PCMTD1: variants seen among roughly 807,000 people sequenced by gnomAD.
PCMTD1 encodes the protein protein-L-isoaspartate (D-aspartate) O-methyltransferase domain containing 1, also known as protein-L-isoaspartate O-methyltransferase domain-containing protein 1.
A neutral mutation model predicts 37.6 loss-of-function variants in PCMTD1; 12 were observed. The observed-to-expected ratio is 0.32, with a 90% CI of 0.20 to 0.52. The LOEUF (loss-of-function observed/expected upper bound fraction) is 0.52, where lower values mean the gene tolerates loss of function less well. PCMTD1 is among the 20% of genes least tolerant of loss of function. The pLI, the probability that PCMTD1 is intolerant of heterozygous loss-of-function variation, is 0.97. For synonymous variants in PCMTD1, 117 were observed against 135.8 expected (o/e 0.86, Z 0.96); for missense variants, 235 against 421.3 (o/e 0.56, Z 3.87).
intron 1 of PCMTD1, among the ~76,000 whole-genome samples, chr8:51,896,793 G>A (rs13268907): frequency 0.69 from 104,258 of 151,568 alleles, 42,285 homozygotes; most frequent in Non-Finnish European, 0.9. Context: ...AACCGTAAGG[G>A]CAACAATTTT....
intron 1 of PCMTD1, among the ~76,000 whole-genome samples, chr8:51,871,545 A>G (rs2038638921): frequency 1.3e-5 from 2 of 152,236 alleles, no homozygotes; most frequent in African/African-American, 4.8e-5. Flanking sequence ...TTTTTCCTCT[A>G]ATAGAGCATT....
intron 1 of PCMTD1, among the ~76,000 whole-genome samples, chr8:51,865,000 G>A (rs1217008637): frequency 6.6e-6 from 1 of 152,014 alleles, no homozygotes; most frequent in Non-Finnish European, 1.5e-5. Context: ...TGAAAGAGGA[G>A]ATACCACAAC....
At chr8:51,829,847 G>A (rs898212726) in intron 5 of PCMTD1, among the ~76,000 whole-genome samples, 1 of 152,132 alleles carries the variant, frequency 6.6e-6, no homozygotes, top group African/African-American at 2.4e-5. Context: ...CAGCTCAAAA[G>A]AGAGTAGAAT....
chr8:51,833,615 C>T lies in PCMTD1; in HGVS notation c.485G>A (p.Arg162Gln), dbSNP rs2038027088. 4 of 1,612,382 alleles carry T rather than the reference C, an allele frequency of 2.5e-6. No individual in the cohort carries two copies. Among genetic ancestry groups the T allele is most frequent in the African/African-American group, 1.3e-5 (1 of 74,866 alleles). Residue 162 changes from arginine (R) to glutamine (Q), a missense_variant, in exon 4 of 6, where the codon CGA becomes CAA. By Grantham distance (43) the Arg-to-Gln change is conservative. Around this residue, in one of 3 missense-constraint regions of PCMTD1, gnomAD observed 183 missense variants for 349.3 expected, o/e 0.52. Coordinates refer to ENST00000522514, the MANE Select transcript of PCMTD1 (RefSeq NM_052937.4). Reference protein sequence around the residue: ...QIASDSHQYDRIYCGAGVQKD... With the variant: ...QIASDSHQYDQIYCGAGVQKD... ...CTGCACTCCAGCTCCACAATAAATTCGATCATACTGATGACTGTCAGAAGC... is the reference window on the plus strand; with the variant it reads ...CTGCACTCCAGCTCCACAATAAATTTGATCATACTGATGACTGTCAGAAGC...
chr8:51,892,783 C>A (rs2038953367), intron 1 of PCMTD1, among the ~76,000 whole-genome samples: 1 of 151,964 alleles, frequency 6.6e-6, no homozygotes, highest in Admixed American at 6.6e-5. Context: ...GTGAAAAAAA[C>A]AGCAGTGTAC....
At chr8:51,867,597 A>G (rs549182007) in intron 1 of PCMTD1, among the ~76,000 whole-genome samples, 2 of 152,008 alleles carry the variant, frequency 1.3e-5, no homozygotes, top group Admixed American at 6.6e-5. Context: ...TTATATATAT[A>G]TAAATGGATT....
At chr8:51,827,230 C>T in intron 5 of PCMTD1, 8 of 1,128,374 alleles carry the variant, frequency 7.1e-6, no homozygotes, top group South Asian at 5.4e-5. Flanking sequence ...CACATAATTC[C>T]TGACTTATTT....
chr8:51,835,083 ACTAGACTCCTTT>A (rs1304009941), intron 3 of PCMTD1, among the ~76,000 whole-genome samples: 1 of 152,114 alleles, frequency 6.6e-6, no homozygotes, highest in Non-Finnish European at 1.5e-5. Flanking sequence ...AAGTCTTTCT[ACTAGACTCCTTT>A]CCTGTCTCTG....
chr8:51,822,330 G>T (rs925502850), intron 5 of PCMTD1, among the ~76,000 whole-genome samples: 1 of 150,622 alleles, frequency 6.6e-6, no homozygotes, highest in African/African-American at 2.4e-5. Context: ...TTGAAGATAG[G>T]ATGGAAATGG....
chr8:51,866,779 G>C (rs1170245137), intron 1 of PCMTD1, among the ~76,000 whole-genome samples: 1 of 151,990 alleles, frequency 6.6e-6, no homozygotes, highest in East Asian at 1.9e-4. Flanking sequence ...ATGAACAAAT[G>C]AGACTGTATC....
chr8:51,856,721 A>C (rs555182957), intron 2 of PCMTD1, among the ~76,000 whole-genome samples: 1 of 152,366 alleles, frequency 6.6e-6, no homozygotes, highest in Admixed American at 6.5e-5. Flanking sequence ...TGAACCCTGA[A>C]AATGTAATGC....
Position 51,839,727 on chromosome 8 carries a change from A to G in PCMTD1, c.410+5934T>C, listed in dbSNP as rs192391936. 22 of 570,072 alleles carry G rather than the reference A, an allele frequency of 3.9e-5. No individual in the cohort carries two copies. The African/African-American group carries it at 4.5e-4, about 12-fold the overall frequency. The allele number at this position is 570,072 out of a possible 1,614,324, so 35.3% of individuals were successfully genotyped here. ...CACCTAGTTTATCACGTGCCACAGG[A>G]TGCTGTTATTGAAATTTTAGACAAT... On this transcript the variant is annotated intron_variant, in intron 3 of 5. Coordinates refer to ENST00000522514, the MANE Select transcript of PCMTD1 (RefSeq NM_052937.4).
chr8:51,840,564 T>C (rs2038133371), intron 3 of PCMTD1, among the ~76,000 whole-genome samples: 1 of 152,140 alleles, frequency 6.6e-6, no homozygotes, highest in African/African-American at 2.4e-5. Flanking sequence ...TAATATTGAA[T>C]ATATAATGAA....
At chr8:51,849,972 A>G (rs2038281032) in intron 2 of PCMTD1, 2 of 674,442 alleles carry the variant, frequency 3.0e-6, no homozygotes, top group East Asian at 2.7e-5. Context: ...TATTTTGTGT[A>G]AAGCTAACTT....
intron 2 of PCMTD1, among the ~76,000 whole-genome samples, chr8:51,858,667 T>C (rs2038427213): frequency 6.6e-6 from 1 of 152,228 alleles, no homozygotes; most frequent in African/African-American, 2.4e-5. Flanking sequence ...CTGTTGTTTC[T>C]GCTTCTCCTT....
chr8:51,854,372 G>C (rs1007707620), intron 2 of PCMTD1, among the ~76,000 whole-genome samples: 2 of 65,706 alleles, frequency 3.0e-5, no homozygotes, highest in African/African-American at 5.2e-5. Flanking sequence ...GTAAGTGAGA[G>C]GGGGAAAAAA....
At position 51,867,056 on chromosome 8, in the gene PCMTD1, T is replaced by C. The variant is rs992053885; in HGVS notation, c.-95-5810A>G. 3.3e-5 allele frequency among the ~76,000 whole-genome samples: 5 copies of C among 151,960 alleles called. No individual in the cohort carries two copies. The South Asian group carries it at 1.0e-3, about 32-fold the overall frequency. ...ATCAAAAAACAAACAAAAGACCTAA[T>C]AATTATCAAAAGAAGACATATAAAC... On this transcript the variant is annotated intron_variant, in intron 1 of 5. Coordinates refer to ENST00000522514, the MANE Select transcript of PCMTD1 (RefSeq NM_052937.4).
At chr8:51,876,427 C>T (rs574385243) in intron 1 of PCMTD1, among the ~76,000 whole-genome samples, 1 of 152,188 alleles carries the variant, frequency 6.6e-6, no homozygotes, top group South Asian at 2.1e-4. Context: ...GAAATACACA[C>T]ATATACATAT....
At chr8:51,893,406 A>G (rs887711267) in intron 1 of PCMTD1, among the ~76,000 whole-genome samples, 1 of 152,200 alleles carries the variant, frequency 6.6e-6, no homozygotes, top group African/African-American at 2.4e-5. Context: ...ATTATGTATA[A>G]TCTGTGTGAG....
Sources: allele counts gnomAD v4.1 joint callset (sites outside exome capture counted in the v4.1 genomes callset), GRCh38; gene constraint gnomAD v4.1.1; regional missense constraint gnomAD v4.1.1; transcripts MANE v1.5; gene names NCBI Gene and HGNC (gene_info 2026-07-23, HGNC 2026-07-21).